Variants in ZNF540 observed in about 807,000 individuals in gnomAD.
ZNF540 encodes zinc finger protein 540.
ZNF540 carries 3 observed loss-of-function variants against 11.8 expected under a neutral mutation model. The observed-to-expected ratio is 0.25, with a 90% CI of 0.12 to 0.65. The LOEUF (loss-of-function observed/expected upper bound fraction) is 0.65. ZNF540 is among the 30% of genes least tolerant of loss of function. The probability of loss-of-function intolerance (pLI) is 0.83; values close to 1 mark genes in which losing one functional copy is unlikely to be tolerated. For missense variants in ZNF540, 709 were observed against 793.1 expected (o/e 0.89, Z 1.27); for synonymous variants, 247 against 259.0 (o/e 0.95, Z 0.45).
At chr19:37,605,458 A>G (rs2147230727) in intron 4 of ZNF540, among the ~76,000 whole-genome samples, 1 of 151,968 alleles carries the variant, frequency 6.6e-6, no homozygotes, top group African/African-American at 2.4e-5. Flanking sequence ...GACCAGCCTG[A>G]CCAACATGGT....
chr19:37,607,988 C>T (rs1309902424), intron 4 of ZNF540, among the ~76,000 whole-genome samples: 2 of 152,114 alleles, frequency 1.3e-5, no homozygotes, highest in African/African-American at 2.4e-5. Flanking sequence ...CCAGTGTTTT[C>T]GATTTTGGCC....
exon 1 of ZNF540, chr19:37,551,511 G>A (rs2042604697): frequency 6.6e-6 from 1 of 152,470 alleles, no homozygotes; most frequent in Non-Finnish European, 1.5e-5. Flanking sequence ...CCCGACCCTA[G>A]GAGTCGGGCA....
chr19:37,579,530 G>A (rs1183093526), intron 1 of ZNF540, among the ~76,000 whole-genome samples: 1 of 147,268 alleles, frequency 6.8e-6, no homozygotes, highest in African/African-American at 2.5e-5. Flanking sequence ...GGGATAACTG[G>A]CTAGCCATAT....
chr19:37,591,986 G>C (rs745817767), upstream of ZNF540, among the ~76,000 whole-genome samples: 7 of 152,008 alleles, frequency 4.6e-5, no homozygotes, highest in East Asian at 1.2e-3. Flanking sequence ...GGCCAGGCGC[G>C]GTGCCTCACA....
At chr19:37,608,374 C>T (rs1393429584) in intron 4 of ZNF540, among the ~76,000 whole-genome samples, 1 of 152,124 alleles carries the variant, frequency 6.6e-6, no homozygotes, top group Non-Finnish European at 1.5e-5. Flanking sequence ...TTTAGCATTT[C>T]TTTTTGATTC....
rs1227371531 is a variant in ZNF540, at chr19:37,613,006, G to A, written c.1726G>A (p.Val576Ile). The A allele has an allele frequency of 6.2e-7, 1 of 1,614,146 alleles. No individual in the cohort carries two copies. Among genetic ancestry groups the A allele is most frequent in the Admixed American group, 1.7e-5 (1 of 60,026 alleles). ...FTEHQKIHTG[V>I]KPYKCKECGK... Reference sequence around the variant, plus strand: ...TGAACATCAGAAAATTCATACGGGTGTAAAACCATACAAATGTAAAGAATG... The same window carrying A: ...TGAACATCAGAAAATTCATACGGGTATAAAACCATACAAATGTAAAGAATG... The change falls in exon 5 of 5, where the codon GTA becomes ATA. Residue 576 changes from valine (V) to isoleucine (I), a missense_variant. Transcript: ENST00000316433.
chr19:37,560,251 C>T (rs2042702551), intron 1 of ZNF540: 1 of 150,736 alleles, frequency 6.6e-6, no homozygotes, highest in African/African-American at 2.4e-5. Context: ...GCACTCCAGC[C>T]TGGGTGACAG....
intron 1 of ZNF540, among the ~76,000 whole-genome samples, chr19:37,576,523 C>CT (rs1302703468): frequency 1.3e-5 from 2 of 152,240 alleles, no homozygotes; most frequent in East Asian, 3.9e-4. Context: ...ACAAGATTGA[C>CT]TAAGTTATAC....
In ZNF540 at chr19:37,610,551, GAGA is replaced by G. The variant is rs2044120284; in HGVS notation, c.233-959_233-957del. Among the ~76,000 whole-genome samples the G allele has an allele frequency of 2.0e-5, 3 of 152,342 alleles. No homozygotes were observed. The South Asian group carries it at 6.2e-4, about 32-fold the overall frequency. ...AGATATTTAACCAACCATTAAGAAT[GAGA>G]AGGAGTTGGCCTTTCACAGAGCCCT... On this transcript the variant is annotated intron_variant, in intron 4 of 4. Transcript: ENST00000316433.
rs566767753 is a variant in ZNF540, at chr19:37,597,789, T to G, written c.-72-587T>G. Among the ~76,000 whole-genome samples the G allele has an allele frequency of 2.6e-5, 4 of 152,348 alleles. No individual in the cohort carries two copies. The East Asian group carries it at 7.7e-4, about 29-fold the overall frequency. The stretch of plus-strand genomic sequence containing the variant: ...TTTAGGCTGTGTGGCCCATACAATC[T>G]CCATTGCAACTACTCAACTTGGCTA... On this transcript the variant is annotated intron_variant, in intron 1 of 4. Transcript: ENST00000316433.
At chr19:37,575,391 CCATA>C (rs1330857773) in intron 1 of ZNF540, 13 of 152,280 alleles carry the variant, frequency 8.5e-5, no homozygotes, top group African/African-American at 3.1e-4. Flanking sequence ...GTCAGATTTA[CCATA>C]CAAATACTGT....
chr19:37,581,469 T>TC (rs199796071), intron 1 of ZNF540, among the ~76,000 whole-genome samples: 170 of 149,238 alleles, frequency 1.1e-3, no homozygotes, highest in African/African-American at 4.0e-3. Flanking sequence ...TTTCTTTCTT[T>TC]TTTTTTTTTT....
chr19:37,593,456 C>T (rs2043926002), upstream of ZNF540, among the ~76,000 whole-genome samples: 1 of 152,196 alleles, frequency 6.6e-6, no homozygotes, highest in South Asian at 2.1e-4. Context: ...GTAATCCCAG[C>T]ACTCTGGGAG....
intron 1 of ZNF540, among the ~76,000 whole-genome samples, chr19:37,581,404 T>G (rs2043455331): frequency 6.6e-6 from 1 of 152,072 alleles, no homozygotes; most frequent in African/African-American, 2.4e-5. Context: ...CCACTGAAGT[T>G]ACCAGATCAT....
intron 1 of ZNF540, among the ~76,000 whole-genome samples, chr19:37,574,125 T>C (rs967744849): frequency 6.6e-6 from 1 of 152,230 alleles, no homozygotes; most frequent in Non-Finnish European, 1.5e-5. Flanking sequence ...CTAGGAGGCC[T>C]ATTTAAAACT....
chr19:37,596,417 T>TGGG, intron 1 of ZNF540, among the ~76,000 whole-genome samples: 1 of 152,270 alleles, frequency 6.6e-6, no homozygotes, highest in East Asian at 1.9e-4. Flanking sequence ...ATCCTCCAGC[T>TGGG]GGCCCACAAA....
chr19:37,554,389 A>G (rs2042638603), intron 1 of ZNF540, among the ~76,000 whole-genome samples: 1 of 152,178 alleles, frequency 6.6e-6, no homozygotes, highest in Admixed American at 6.5e-5. Flanking sequence ...ATTATTACCA[A>G]GTGCAGAAAT....
In ZNF540 at chr19:37,569,029, T is replaced by A. The variant is rs1433309206; in HGVS notation, c.-73+17364T>A. Among the ~76,000 whole-genome samples the A allele has an allele frequency of 6.6e-6, 1 of 151,968 alleles. No homozygotes were observed. The highest frequency in any genetic ancestry group is 1.5e-5 in the Non-Finnish European group (1 of 67,964). Reference sequence around the variant, plus strand: ...TGGAGTGCAGTCGTGCCATCTCAGCTCACTGCAACCTCCGCCTCCAGGTTC... The same window carrying A: ...TGGAGTGCAGTCGTGCCATCTCAGCACACTGCAACCTCCGCCTCCAGGTTC... On this transcript the variant is annotated intron_variant, in intron 1 of 4. Coordinates refer to the ZNF540 transcript ENST00000592533. This position sits in a 1 kb window ranked among gnomAD's most constrained non-coding sequence, Gnocchi z 4.4.
At chr19:37,565,278 C>T in intron 1 of ZNF540, 3 of 1,610,526 alleles carry the variant, frequency 1.9e-6, no homozygotes, top group Non-Finnish European at 2.5e-6. Flanking sequence ...CCTGAATGAA[C>T]TCTCAGGTGG....
Sources: gnomAD v4.1 joint callset for allele counts (sites outside exome capture counted in the v4.1 genomes callset) on GRCh38, gnomAD v4.1.1 for gene constraint, Gnocchi (gnomAD v3.1) non-coding constraint, MANE v1.5 for transcripts, NCBI Gene and HGNC (gene_info 2026-07-23, HGNC 2026-07-21) for gene names.